Variants in TMEM181 observed in about 807,000 individuals in gnomAD.
The protein encoded by TMEM181 is G protein-coupled receptor 178.
In TMEM181, 39 loss-of-function variants were observed where a neutral mutation model predicts 71.9. The ratio of observed to expected loss-of-function variants is 0.54; its 90% CI spans 0.42 to 0.71. TMEM181 has a LOEUF of 0.71. Among genes scored for constraint, TMEM181 ranks in the 30% least tolerant of loss-of-function variants. The pLI, the probability that TMEM181 is intolerant of heterozygous loss-of-function variation, is 0.00. For synonymous variants in TMEM181, 245 were observed against 228.8 expected (o/e 1.07, Z -0.64); for missense variants, 595 against 583.0 (o/e 1.02, Z -0.21).
rs61457107 is a variant in TMEM181, at chr6:158,600,458, A to ATTTTTTTTTTTTTT, written c.493-4794_493-4781dup. On this transcript the variant is annotated intron_variant, in intron 6 of 16. Transcript: ENST00000684151. ...AGTCACCGTGCCTGGCCTAGGGTTAATTTTTTTTTTTTTTTTTTTTTTTTT... is the reference window on the plus strand; with the variant it reads ...AGTCACCGTGCCTGGCCTAGGGTTAATTTTTTTTTTTTTTTTTTTTTTTTTTTTTTTTTTTTTTT... Among the ~76,000 whole-genome samples the ATTTTTTTTTTTTTT allele has an allele frequency of 1.2e-4, 11 of 91,868 alleles. 1 individual carries two copies. Among genetic ancestry groups the ATTTTTTTTTTTTTT allele is most frequent in the Non-Finnish European group, 1.3e-4 (6 of 46,154 alleles). 60.3% of individuals were successfully genotyped at this position (91,868 alleles called of 152,430 possible). A position where few individuals can be genotyped will look rare whatever the true frequency, so the allele number is the denominator to read the frequency against.
chr6:158,569,037 G>A (rs951060146), intron 1 of TMEM181, among the ~76,000 whole-genome samples: 1 of 152,168 alleles, frequency 6.6e-6, no homozygotes, highest in Non-Finnish European at 1.5e-5. Context: ...GTGCAGTGGT[G>A]CAGTCTTAGC....
chr6:158,613,355 A>C (rs1785434283), intron 10 of TMEM181, among the ~76,000 whole-genome samples: 1 of 152,230 alleles, frequency 6.6e-6, no homozygotes, highest in Non-Finnish European at 1.5e-5. Flanking sequence ...GTGCAGCAAG[A>C]GTAATTATTT....
rs771125996 is a variant in TMEM181, at chr6:158,589,662, G to T, written c.382-10G>T. The T allele has an allele frequency of 2.6e-5, 42 of 1,602,940 alleles. No individual in the cohort carries two copies. The highest frequency in any genetic ancestry group is 3.2e-5 in the Non-Finnish European group (37 of 1,170,030). The stretch of plus-strand genomic sequence containing the variant: ...TTTCTTTAAAGGCAAATCTTTCTGT[G>T]TATTTGCAGAAATGTGCGGAGATTA... On this transcript the variant is annotated splice_polypyrimidine_tract_variant and intron_variant, in intron 5 of 16. Transcript: ENST00000684151.
intron 10 of TMEM181, among the ~76,000 whole-genome samples, chr6:158,621,990 C>A (rs531423067): frequency 6.6e-6 from 1 of 152,308 alleles, no homozygotes; most frequent in Admixed American, 6.5e-5. Context: ...CCAAGCGCCC[C>A]TCAGAGCCAG....
intron 15 of TMEM181, 62 bp from the exon 16 acceptor site, chr6:158,631,261 C>A: frequency 6.5e-7 from 1 of 1,548,440 alleles, no homozygotes; most frequent in Non-Finnish European, 8.9e-7. Flanking sequence ...GGGACAGCAT[C>A]CTGCCTGTCC....
chr6:158,557,744 T>C (rs1455027071), upstream of TMEM181, among the ~76,000 whole-genome samples: 2 of 152,236 alleles, frequency 1.3e-5, no homozygotes, highest in East Asian at 3.8e-4. Flanking sequence ...CTTGAACTCC[T>C]GAGCTCAGGT....
At chr6:158,550,863 G>T (rs1781698220) in intron 1 of TMEM181, among the ~76,000 whole-genome samples, 1 of 127,788 alleles carries the variant, frequency 7.8e-6, no homozygotes, top group African/African-American at 3.0e-5. Flanking sequence ...TAGCACTCCA[G>T]CCTGGGTGAG....
chr6:158,561,242 A>G (rs548708076), intron 1 of TMEM181, among the ~76,000 whole-genome samples: 6 of 152,260 alleles, frequency 3.9e-5, no homozygotes, highest in Admixed American at 3.9e-4. Flanking sequence ...TGACAGAGAG[A>G]TCTGTTTTTC....
intron 6 of TMEM181, among the ~76,000 whole-genome samples, chr6:158,595,131 T>G (rs1011958403): frequency 2.0e-5 from 3 of 152,262 alleles, no homozygotes; most frequent in African/African-American, 7.2e-5. Context: ...GAAATCAGTT[T>G]TTTGCTGAAT....
chr6:158,551,710 T>C (rs1200689918), intron 1 of TMEM181, among the ~76,000 whole-genome samples: 1 of 152,194 alleles, frequency 6.6e-6, no homozygotes, highest in African/African-American at 2.4e-5. Context: ...AGCTTTAAAG[T>C]AGATTTAACA....
intron 3 of TMEM181, among the ~76,000 whole-genome samples, chr6:158,581,503 C>T (rs149738700): frequency 1.5e-3 from 228 of 152,176 alleles, no homozygotes; most frequent in African/African-American, 5.2e-3. Flanking sequence ...CCTGTAATCC[C>T]AGCACTTTGG....
chr6:158,626,583 G>A (rs1194764921), intron 13 of TMEM181: 15 of 456,560 alleles, frequency 3.3e-5, no homozygotes, highest in Middle Eastern at 3.2e-4. Flanking sequence ...ATCCAAGGTC[G>A]TCCACCACCA....
At position 158,585,539 on chromosome 6, in the gene TMEM181, T is replaced by G. The variant is rs1024795723; in HGVS notation, c.381+114T>G. 1.5e-5 allele frequency: 19 copies of G among 1,273,990 alleles called. No individual in the cohort carries two copies. In the African/African-American group the frequency reaches 2.7e-4, roughly 18 times the overall value. The allele number at this position is 1,273,990 out of a possible 1,614,324, so 78.9% of individuals were successfully genotyped here. ...GGTAAGAGGCTTCGAGAAATTGTTC[T>G]TAAGTGAAAAAAATGGAGTCATACC... is the stretch of plus-strand genomic sequence containing the variant. On this transcript the variant is annotated intron_variant, in intron 5 of 16. Transcript: ENST00000684151.
At chr6:158,558,697 C>T (rs919387996), upstream of TMEM181, among the ~76,000 whole-genome samples, 1 of 152,200 alleles carries the variant, frequency 6.6e-6, no homozygotes. Context: ...TGCCAGGCTG[C>T]AGCTCCTTAT....
At chr6:158,626,464 CT>C (rs1562315375) in intron 13 of TMEM181, 1 of 456,662 alleles carries the variant, frequency 2.2e-6, no homozygotes, top group Non-Finnish European at 4.4e-6. Context: ...GATGTTGGCC[CT>C]TTTCCTTTAT....
At chr6:158,537,302 G>C (rs1003616728) in intron 1 of TMEM181, among the ~76,000 whole-genome samples, 7 of 152,080 alleles carry the variant, frequency 4.6e-5, no homozygotes, top group Admixed American at 2.0e-4. Flanking sequence ...TCGGGAGGAG[G>C]GTCTTGGCCG....
intron 10 of TMEM181, among the ~76,000 whole-genome samples, 199 bp from the exon 11 acceptor site, chr6:158,623,351 G>C (rs1423185312): frequency 6.6e-6 from 1 of 152,128 alleles, no homozygotes; most frequent in Non-Finnish European, 1.5e-5. Flanking sequence ...CCCTTGGTAG[G>C]ATTGTATAGT....
At chr6:158,587,015 C>G (rs754912953) in intron 5 of TMEM181, among the ~76,000 whole-genome samples, 1 of 152,158 alleles carries the variant, frequency 6.6e-6, no homozygotes. Context: ...CCTATCCGAG[C>G]GCCTGGTGGC....
intron 1 of TMEM181, among the ~76,000 whole-genome samples, chr6:158,560,981 T>A (rs1782136683): frequency 6.6e-6 from 1 of 152,116 alleles, no homozygotes; most frequent in Non-Finnish European, 1.5e-5. Context: ...ACCAGAGGGT[T>A]AGCGCCGCGT....
Sources: gnomAD v4.1 joint callset for allele counts (sites outside exome capture counted in the v4.1 genomes callset) on GRCh38, gnomAD v4.1.1 for gene constraint, MANE v1.5 for transcripts, NCBI Gene and HGNC (gene_info 2026-07-23, HGNC 2026-07-21) for gene names.